The following PDE11A variants were observed in gnomAD, a reference collection of about 807,000 sequenced individuals.
The protein encoded by PDE11A is phosphodiesterase 11A.
In PDE11A, 100 loss-of-function variants were observed where a neutral mutation model predicts 100.5. That is an observed-to-expected ratio of 1.00 (90% CI 0.85 to 1.18). The LOEUF is 1.18. Among genes scored for constraint, PDE11A ranks in the 50% most tolerant of loss-of-function variants. The probability of loss-of-function intolerance (pLI) is 0.00; values close to 1 mark genes in which losing one functional copy is unlikely to be tolerated. For synonymous variants in PDE11A, 381 were observed against 420.8 expected (o/e 0.91, Z 1.16); for missense variants, 1,141 against 1,152.6 (o/e 0.99, Z 0.15).
chr2:177,895,508 C>T (rs1000642905), intron 4 of PDE11A, among the ~76,000 whole-genome samples: 2 of 150,598 alleles, frequency 1.3e-5, no homozygotes, highest in Admixed American at 6.6e-5. Flanking sequence ...GAGCTGAGAT[C>T]GCGCCATTGC....
intron 3 of PDE11A, among the ~76,000 whole-genome samples, chr2:177,898,913 T>C (rs1196094434): frequency 6.6e-6 from 1 of 152,200 alleles, no homozygotes; most frequent in Non-Finnish European, 1.5e-5. Context: ...GGAGCTTAAC[T>C]TTTAACTTTG....
intron 10 of PDE11A, among the ~76,000 whole-genome samples, chr2:177,747,542 A>T (rs998059): frequency 6.6e-5 from 10 of 152,186 alleles, no homozygotes; most frequent in South Asian, 2.1e-4. Context: ...AAGGTAAAGA[A>T]GTCAATTCTG....
At chr2:177,902,382 G>A (rs2084711141) in intron 3 of PDE11A, among the ~76,000 whole-genome samples, 1 of 152,186 alleles carries the variant, frequency 6.6e-6, no homozygotes, top group South Asian at 2.1e-4. Flanking sequence ...CTGCACCCAG[G>A]TGAAATAAAC....
intron 12 of PDE11A, among the ~76,000 whole-genome samples, chr2:177,719,894 A>C (rs2081500348): frequency 6.6e-6 from 1 of 152,160 alleles, no homozygotes; most frequent in Non-Finnish European, 1.5e-5. Context: ...AAAAGGCCCA[A>C]TTTGCAATGC....
chr2:177,832,468 T>C (rs1182864154), intron 6 of PDE11A, among the ~76,000 whole-genome samples: 1 of 152,140 alleles, frequency 6.6e-6, no homozygotes, highest in Non-Finnish European at 1.5e-5. Context: ...AGCTTTGGGA[T>C]TCGGACTGGC....
At chr2:177,957,633 T>G (rs375586717) in intron 2 of PDE11A, among the ~76,000 whole-genome samples, 28 of 152,316 alleles carry the variant, frequency 1.8e-4, no homozygotes, top group African/African-American at 6.7e-4. Flanking sequence ...AGATAAGAGA[T>G]GGAGGCCCTC....
intron 2 of PDE11A, among the ~76,000 whole-genome samples, chr2:178,096,395 G>A (rs528596685): frequency 1.3e-5 from 2 of 149,378 alleles, no homozygotes; most frequent in African/African-American, 2.5e-5. Flanking sequence ...GGATGGTCTC[G>A]ATCTCCTGAC....
At chr2:177,763,780 C>T (rs936427307) in intron 10 of PDE11A, among the ~76,000 whole-genome samples, 3 of 152,222 alleles carry the variant, frequency 2.0e-5, no homozygotes, top group African/African-American at 4.8e-5. Flanking sequence ...TTGGGCTCTT[C>T]CAGGGCTTCG....
At chr2:177,651,606 C>A (rs2080310043) in intron 19 of PDE11A, among the ~76,000 whole-genome samples, 1 of 148,710 alleles carries the variant, frequency 6.7e-6, no homozygotes, top group African/African-American at 2.6e-5. Flanking sequence ...ACTGCCTCCT[C>A]TTAGGCCCTC....
intron 2 of PDE11A, chr2:177,997,836 A>G (rs1374424689): frequency 7.4e-7 from 1 of 1,355,442 alleles, no homozygotes; most frequent in Non-Finnish European, 1.1e-6. Context: ...CCAATAACTT[A>G]TCAAATAGTT....
rs191621606 is a variant in PDE11A at position 178,102,733 on chromosome 2, T to C, written c.162+1569A>G. On this transcript the variant is annotated intron_variant, in intron 2 of 20. Coordinates refer to the PDE11A transcript ENST00000358450. ...GCCACCATGTTTGGCCAATTATGTA[T>C]TTATTTTATATGTAAAAGTAGTCCT... Among the ~76,000 whole-genome samples the C allele has an allele frequency of 4.7e-3, 710 of 152,258 alleles. 3 individuals are homozygous for C. Among genetic ancestry groups the C allele is most frequent in the Admixed American group, 5.6e-3 (86 of 15,298 alleles).
intron 12 of PDE11A, among the ~76,000 whole-genome samples, chr2:177,713,987 CTTTTTTTTTTT>C (rs57211363): frequency 5.2e-5 from 4 of 77,370 alleles, no homozygotes; most frequent in South Asian, 6.2e-4. Flanking sequence ...TTTCTTTTTT[CTTTTTTTTTTT>C]TTTTTTTTTT....
chr2:178,015,822 G>A (rs2086328652), intron 1 of PDE11A, among the ~76,000 whole-genome samples: 1 of 152,120 alleles, frequency 6.6e-6, no homozygotes, highest in African/African-American at 2.4e-5. Flanking sequence ...TGGCTCCTGA[G>A]TAACTGTGAC....
At chr2:177,964,764 T>C (rs10168683) in intron 2 of PDE11A, among the ~76,000 whole-genome samples, 9,557 of 152,124 alleles carry the variant, frequency 0.063, 314 homozygotes, top group South Asian at 0.094. Context: ...TATATCCATG[T>C]CCATCACTGA....
chr2:177,959,705 T>C (rs1182616303), intron 2 of PDE11A, among the ~76,000 whole-genome samples: 4 of 152,130 alleles, frequency 2.6e-5, no homozygotes, highest in Non-Finnish European at 5.9e-5. Context: ...AGAAAATAGG[T>C]TGCAAAGAGG....
intron 5 of PDE11A, among the ~76,000 whole-genome samples, chr2:177,871,649 G>A (rs907129703): frequency 6.6e-6 from 1 of 151,644 alleles, no homozygotes; most frequent in Non-Finnish European, 1.5e-5. Flanking sequence ...CTTGAGGCCA[G>A]GAATTTGAGA....
chr2:177,845,319 C>T (rs9679102), intron 5 of PDE11A, among the ~76,000 whole-genome samples: 119,166 of 142,668 alleles, frequency 0.84, 50,728 homozygotes, highest in Middle Eastern at 0.91. Context: ...TCAGACGGGG[C>T]GGCCGGGCAG....
intron 10 of PDE11A, among the ~76,000 whole-genome samples, chr2:177,746,601 T>G (rs549854588): frequency 6.6e-6 from 1 of 152,216 alleles, no homozygotes; most frequent in South Asian, 2.1e-4. Flanking sequence ...AGAATCAGTC[T>G]GGTATTTTAT....
intron 2 of PDE11A, among the ~76,000 whole-genome samples, chr2:178,103,716 T>A (rs1273013063): frequency 1.3e-5 from 2 of 151,748 alleles, no homozygotes; most frequent in Non-Finnish European, 2.9e-5. Context: ...AAACCATATA[T>A]ATATTTAACA....
Sources: gnomAD v4.1 joint callset for allele counts (sites outside exome capture counted in the v4.1 genomes callset) on GRCh38, gnomAD v4.1.1 for gene constraint, MANE v1.5 for transcripts, NCBI Gene and HGNC (gene_info 2026-07-23, HGNC 2026-07-21) for gene names.